The following PBX1 variants were observed in gnomAD, a reference collection of about 807,000 sequenced individuals.
PBX1 encodes the protein pre-B-cell leukemia transcription factor 1.
In PBX1, 6 loss-of-function variants were observed where a neutral mutation model predicts 53.4. The ratio of observed to expected loss-of-function variants is 0.11; its 90% confidence interval spans 0.06 to 0.22. The LOEUF is 0.22. Ranked by LOEUF, PBX1 falls within the 10% of genes least tolerant of loss-of-function variation. The pLI, the probability that PBX1 is intolerant of heterozygous loss-of-function variation, is 1.00. For synonymous variants in PBX1, 204 were observed against 212.3 expected (o/e 0.96, Z 0.34); for missense variants, 251 against 551.4 (o/e 0.46, Z 5.46).
intron 2 of PBX1, among the ~76,000 whole-genome samples, chr1:164,871,685 C>A (rs994403144): frequency 6.6e-6 from 1 of 152,082 alleles, no homozygotes; most frequent in Non-Finnish European, 1.5e-5. Context: ...CCCCTGGGAA[C>A]CTGTGGGGAG....
chr1:164,676,184 T>G (rs1661424316), intron 2 of PBX1, among the ~76,000 whole-genome samples: 1 of 152,164 alleles, frequency 6.6e-6, no homozygotes, highest in South Asian at 2.1e-4. Flanking sequence ...TGGGATGACC[T>G]GGGGACTCCA....
At chr1:164,840,360 A>G (rs1196743385) in intron 8 of PBX1, among the ~76,000 whole-genome samples, 1 of 152,202 alleles carries the variant, frequency 6.6e-6, no homozygotes, top group Non-Finnish European at 1.5e-5. Flanking sequence ...ATTACAGTGT[A>G]ACAGGGCATC....
intron 2 of PBX1, among the ~76,000 whole-genome samples, chr1:164,880,876 G>T (rs2102465143): frequency 6.6e-6 from 1 of 152,242 alleles, no homozygotes; most frequent in Middle Eastern, 3.4e-3. Flanking sequence ...GATAAGGACA[G>T]TTTGGAAAAG....
chr1:164,747,991 G>T (rs1454500270), intron 2 of PBX1, among the ~76,000 whole-genome samples: 1 of 152,086 alleles, frequency 6.6e-6, no homozygotes, highest in Non-Finnish European at 1.5e-5. Context: ...AGCAGTTCAT[G>T]AAAAGAGGTG....
chr1:164,620,023 T>A (rs1364987413), intron 2 of PBX1, among the ~76,000 whole-genome samples: 1 of 152,044 alleles, frequency 6.6e-6, no homozygotes, highest in Non-Finnish European at 1.5e-5. Context: ...TGAGACCCTG[T>A]TTCTACAAAA....
chr1:164,632,807 T>G (rs1311829737), intron 2 of PBX1, among the ~76,000 whole-genome samples: 1 of 152,116 alleles, frequency 6.6e-6, no homozygotes, highest in Non-Finnish European at 1.5e-5. Context: ...TCCACAAGTT[T>G]GATGTTGGTT....
chr1:164,643,215 G>T (rs1659247370), intron 2 of PBX1, among the ~76,000 whole-genome samples: 1 of 152,180 alleles, frequency 6.6e-6, no homozygotes, highest in South Asian at 2.1e-4. Context: ...GGAGCACAGA[G>T]CAGTTAAATG....
chr1:164,636,187 A>T (rs1425360316), intron 2 of PBX1, among the ~76,000 whole-genome samples: 4 of 150,812 alleles, frequency 2.7e-5, no homozygotes, highest in South Asian at 4.2e-4. Flanking sequence ...TCTCAGTTAC[A>T]GTTAGATTTT....
In PBX1 at chr1:164,652,792, C is replaced by T. The variant is rs192639163; in HGVS notation, c.265+89481C>T. On this transcript the variant is annotated intron_variant, in intron 2 of 8. Transcript: ENST00000420696. ...CATGTAACCAACACCCCTTTATCAC[C>T]CTGGAAAGTTTCTTTCAGCCCCTTT... Among the ~76,000 whole-genome samples, 522 of 152,118 alleles carry T rather than the reference C, an allele frequency of 3.4e-3. 3 individuals are homozygous for T. The highest frequency in any genetic ancestry group is 0.01 in the African/African-American group (418 of 41,476).
At chr1:164,672,306 A>G (rs1661166038) in intron 2 of PBX1, among the ~76,000 whole-genome samples, 1 of 152,080 alleles carries the variant, frequency 6.6e-6, no homozygotes, top group African/African-American at 2.4e-5. Context: ...TCTCGACCCC[A>G]TGGAAGACAT....
intron 2 of PBX1, among the ~76,000 whole-genome samples, chr1:164,652,820 C>T (rs569542410): frequency 2.0e-5 from 3 of 151,846 alleles, no homozygotes; most frequent in East Asian, 3.9e-4. Flanking sequence ...GCCCCTTTTA[C>T]TTCTCTTACC....
At chr1:164,862,079 C>T (rs77220143) in intron 2 of PBX1, among the ~76,000 whole-genome samples, 10,043 of 152,142 alleles carry the variant, frequency 0.066, 361 homozygotes, top group East Asian at 0.097. Flanking sequence ...TAAGTTTTAA[C>T]GTGTGACTCT....
chr1:164,761,872 T>C (rs1349006009), intron 2 of PBX1, among the ~76,000 whole-genome samples: 1 of 152,160 alleles, frequency 6.6e-6, no homozygotes, highest in Non-Finnish European at 1.5e-5. Context: ...TCACTAAGTG[T>C]TGGGCAAATA....
At chr1:164,712,357 C>T (rs185304189) in intron 2 of PBX1, among the ~76,000 whole-genome samples, 7 of 152,210 alleles carry the variant, frequency 4.6e-5, no homozygotes, top group African/African-American at 1.4e-4. Context: ...AAAACGATAA[C>T]GGCTGTTTAT....
chr1:164,579,279 G>A (rs891607061), intron 2 of PBX1, among the ~76,000 whole-genome samples: 1 of 152,104 alleles, frequency 6.6e-6, no homozygotes, highest in Admixed American at 6.6e-5. Context: ...GACAATTTGT[G>A]CATTGTCTTC....
At chr1:164,675,776 A>G (rs1156930177) in intron 2 of PBX1, among the ~76,000 whole-genome samples, 1 of 151,998 alleles carries the variant, frequency 6.6e-6, no homozygotes, top group Non-Finnish European at 1.5e-5. Flanking sequence ...ATATCCCACC[A>G]CACTGGCTTA....
chr1:164,655,108 T>TA (rs1553225098), intron 2 of PBX1, among the ~76,000 whole-genome samples: 2 of 150,466 alleles, frequency 1.3e-5, no homozygotes, highest in Non-Finnish European at 2.9e-5. Context: ...GTGTTTTTTT[T>TA]TTTTTTTTAT....
At chr1:164,585,128 A>G (rs1039285452) in intron 2 of PBX1, among the ~76,000 whole-genome samples, 4 of 152,342 alleles carry the variant, frequency 2.6e-5, no homozygotes, top group African/African-American at 9.6e-5. Context: ...AAAGAATGGA[A>G]TGGACATCTT....
chr1:164,762,376 T>C (rs1170393761), intron 2 of PBX1, among the ~76,000 whole-genome samples: 1 of 152,240 alleles, frequency 6.6e-6, no homozygotes, highest in Non-Finnish European at 1.5e-5. Context: ...GCCCAGCATC[T>C]CACTTGTTTT....
Sources: gnomAD v4.1 joint callset for allele counts (sites outside exome capture counted in the v4.1 genomes callset) on GRCh38, gnomAD v4.1.1 for gene constraint, MANE v1.5 for transcripts, NCBI Gene and HGNC (gene_info 2026-07-23, HGNC 2026-07-21) for gene names.